RABGAP1: variants seen among roughly 807,000 people sequenced by gnomAD.
RABGAP1 encodes the protein RAB GTPase activating protein 1.
RABGAP1 carries 23 observed loss-of-function variants against 137.6 expected under a neutral mutation model. That is an observed-to-expected ratio of 0.17 (90% confidence interval 0.12 to 0.24). RABGAP1 has a LOEUF of 0.24. Ranked by LOEUF, RABGAP1 falls within the 10% of genes least tolerant of loss-of-function variation. The probability of loss-of-function intolerance (pLI) is 1.00; values close to 1 mark genes in which losing one functional copy is unlikely to be tolerated. For missense variants in RABGAP1, 906 were observed against 1,275.8 expected, an observed-to-expected ratio of 0.71 and a Z score of 4.42; for synonymous variants, 451 against 450.7, an observed-to-expected ratio of 1.00 and a Z score of -0.01.
intron 1 of RABGAP1, among the ~76,000 whole-genome samples, chr9:122,942,278 T>C (rs566870968): frequency 2.7e-4 from 41 of 152,166 alleles, no homozygotes; most frequent in African/African-American, 7.2e-4. Context: ...CTAAGGAGGG[T>C]TCATCCAACT....
intron 10 of RABGAP1, among the ~76,000 whole-genome samples, chr9:123,006,406 T>A (rs2030266205): frequency 6.6e-6 from 1 of 152,194 alleles, no homozygotes; most frequent in Admixed American, 6.5e-5. Flanking sequence ...TGGATTTGAT[T>A]TAATCTTTTT....
chr9:123,054,649 C>T (rs1306381930), intron 13 of RABGAP1, among the ~76,000 whole-genome samples: 1 of 152,142 alleles, frequency 6.6e-6, no homozygotes, highest in African/African-American at 2.4e-5. Context: ...CCTTTTTCTG[C>T]TCCAGGATTC....
rs2035344621 is a variant in RABGAP1, at chr9:123,101,528, CTCT to C, written c.2890-33_2890-31del. On this transcript the variant is annotated intron_variant, in intron 24 of 25. Coordinates refer to ENST00000373647, the MANE Select transcript of RABGAP1 (RefSeq NM_012197.4). ...TCACACCATCCTAAAGGGCCAGTTC[CTCT>C]TCTTTGCCTCTTCACATCTAACATT... The C allele has an allele frequency of 3.8e-6, 6 of 1,587,270 alleles. 1 individual carries two copies. The highest frequency in any genetic ancestry group is 2.3e-5 in the East Asian group (1 of 44,186).
intron 17 of RABGAP1, 152 bp from the exon 18 acceptor site, chr9:123,076,093 C>A (rs2034500831): frequency 3.8e-6 from 3 of 780,446 alleles, no homozygotes; most frequent in Non-Finnish European, 3.9e-6. Context: ...TTCAATGGCC[C>A]TTTAGTTTTT....
chr9:123,017,557 A>G (rs563123531), intron 12 of RABGAP1, among the ~76,000 whole-genome samples: 26 of 152,314 alleles, frequency 1.7e-4, no homozygotes, highest in Middle Eastern at 3.4e-3. Context: ...TAATAATGGA[A>G]TTTTAAAGCC....
intron 12 of RABGAP1, among the ~76,000 whole-genome samples, chr9:123,018,085 C>G (rs532670470): frequency 1.3e-5 from 2 of 152,284 alleles, no homozygotes; most frequent in African/African-American, 4.8e-5. Context: ...GCTCTGCCCC[C>G]CGGGGTTCAT....
intron 13 of RABGAP1, among the ~76,000 whole-genome samples, chr9:123,059,126 C>T (rs996603015): frequency 1.3e-5 from 2 of 152,096 alleles, no homozygotes; most frequent in African/African-American, 4.8e-5. Context: ...AAGTTTATGA[C>T]CAGCAAAATG....
At chr9:123,035,593 C>T (rs765919158) in intron 13 of RABGAP1, 1 of 1,595,254 alleles carries the variant, frequency 6.3e-7, no homozygotes, top group Non-Finnish European at 8.5e-7. Context: ...AAGCAAAGGC[C>T]CTCTTAATGG....
chr9:123,002,360 A>G (rs1837366182), intron 10 of RABGAP1, among the ~76,000 whole-genome samples: 1 of 30,152 alleles, frequency 3.3e-5, no homozygotes, highest in Non-Finnish European at 6.9e-5. Context: ...TTTTTATTAT[A>G]TATATATATT....
intron 2 of RABGAP1, among the ~76,000 whole-genome samples, chr9:122,968,641 G>C (rs936485166): frequency 6.6e-6 from 1 of 152,002 alleles, no homozygotes; most frequent in Non-Finnish European, 1.5e-5. Context: ...TTGAGACAGA[G>C]TCTTGCTCTG....
chr9:123,024,636 C>T (rs2031850144), intron 13 of RABGAP1, among the ~76,000 whole-genome samples: 1 of 152,072 alleles, frequency 6.6e-6, no homozygotes. Flanking sequence ...TACTAAGTTT[C>T]ACCATGTTGG....
chr9:122,989,572 T>C, intron 5 of RABGAP1, 101 bp downstream of exon 5: 1 of 1,255,330 alleles, frequency 8.0e-7, no homozygotes, highest in Middle Eastern at 1.9e-4. Flanking sequence ...ATAAGCCAGA[T>C]GAAATTCTCT....
chr9:123,022,303 T>C (rs1394139378), intron 13 of RABGAP1, among the ~76,000 whole-genome samples: 1 of 152,238 alleles, frequency 6.6e-6, no homozygotes, highest in African/African-American at 2.4e-5. Flanking sequence ...ACCTGGTAGT[T>C]ATATGATATG....
rs563511301 is a variant in RABGAP1 at position 123,089,160 on chromosome 9, ACTGT to A, written c.2425-593_2425-590del. ...AGCTGTGTTTTTAAGGGTAGAGATA[ACTGT>A]CTGTTTGAAAGCAGCACAGAAGAAG... On this transcript the variant is annotated intron_variant, in intron 19 of 25. Coordinates refer to ENST00000373647, the MANE Select transcript of RABGAP1 (RefSeq NM_012197.4). 1.9e-4 allele frequency among the ~76,000 whole-genome samples: 29 copies of A among 152,278 alleles called. No homozygotes were observed. The South Asian group carries it at 4.1e-3, about 22-fold the overall frequency.
rs2092046296 is a variant in RABGAP1 at position 123,039,902 on chromosome 9, T to G, written c.1794+19443T>G. 2.0e-5 allele frequency among the ~76,000 whole-genome samples: 3 copies of G among 152,208 alleles called. 1 individual carries two copies. In the South Asian group the frequency reaches 6.2e-4, roughly 31 times the overall value. ...TTCTAGCTCTGTCTTTCCTTCTTCC[T>G]TCCTTTTCTTACCACACTATTGGTC... On this transcript the variant is annotated intron_variant, in intron 13 of 25. Coordinates refer to ENST00000373647, the MANE Select transcript of RABGAP1 (RefSeq NM_012197.4).
At chr9:123,046,234 T>C (rs1460636699) in intron 13 of RABGAP1, among the ~76,000 whole-genome samples, 2 of 152,168 alleles carry the variant, frequency 1.3e-5, no homozygotes, top group African/African-American at 4.8e-5. Context: ...TAATAAGTCA[T>C]TGGGGTTTAC....
chr9:123,070,522 C>T lies in RABGAP1; in HGVS notation c.1983+98C>T. On this transcript the variant is annotated intron_variant, in intron 15 of 25. Transcript: ENST00000373647. The surrounding 1 kb of genome is among the most constrained non-coding windows in gnomAD (Gnocchi z 4.4). ...TGGTTTTATATTGGGTTTGGACAGA[C>T]TCTTAAGGCATGAATTTTAACACCT... 6.5e-7 allele frequency: 1 copy of T among 1,537,876 alleles called. No individual in the cohort carries two copies. The highest frequency in any genetic ancestry group is 8.7e-7 in the Non-Finnish European group (1 of 1,145,528).
chr9:123,025,526 G>C (rs1454245064), intron 13 of RABGAP1, among the ~76,000 whole-genome samples: 1 of 67,686 alleles, frequency 1.5e-5, no homozygotes, highest in East Asian at 2.7e-4. Context: ...CTTTTTATTT[G>C]TTCAGATCTT....
chr9:123,080,137 A>G (rs1482658203), intron 19 of RABGAP1, among the ~76,000 whole-genome samples: 3 of 152,146 alleles, frequency 2.0e-5, no homozygotes, highest in Non-Finnish European at 2.9e-5. Context: ...CTTTATTTCC[A>G]TATATGGAAA....
Sources: gnomAD v4.1 joint callset for allele counts (sites outside exome capture counted in the v4.1 genomes callset) on GRCh38, gnomAD v4.1.1 for gene constraint, Gnocchi (gnomAD v3.1) non-coding constraint, MANE v1.5 for transcripts, NCBI Gene and HGNC (gene_info 2026-07-23, HGNC 2026-07-21) for gene names.